Variants in CLCN3 observed in about 807,000 individuals in gnomAD.
CLCN3 encodes the protein H(+)/Cl(-) exchange transporter 3.
Under a neutral mutation model 83.4 loss-of-function variants are expected in CLCN3, and 16 were observed. The ratio of observed to expected loss-of-function variants is 0.19; its 90% CI spans 0.13 to 0.29. The LOEUF (loss-of-function observed/expected upper bound fraction) is 0.29, where lower values mean the gene tolerates loss of function less well. CLCN3 is among the 10% of genes least tolerant of loss of function. The pLI, the probability that CLCN3 is intolerant of heterozygous loss-of-function variation, is 1.00. For missense variants in CLCN3, 544 were observed against 1,006.0 expected, an observed-to-expected ratio of 0.54 and a Z score of 6.21; for synonymous variants, 322 against 346.2, an observed-to-expected ratio of 0.93 and a Z score of 0.78.
At chr4:169,654,892 G>A (rs1392416756) in intron 2 of CLCN3, among the ~76,000 whole-genome samples, 1 of 151,970 alleles carries the variant, frequency 6.6e-6, no homozygotes, top group Non-Finnish European at 1.5e-5. Flanking sequence ...AAAATACTCT[G>A]TTTCTTTACT....
At chr4:169,632,049 CCTT>C (rs1222788980) in intron 1 of CLCN3, among the ~76,000 whole-genome samples, 2 of 152,300 alleles carry the variant, frequency 1.3e-5, no homozygotes, top group Admixed American at 6.5e-5. Context: ...AGGGGCTCCT[CCTT>C]AACTCATTCC....
intron 2 of CLCN3, among the ~76,000 whole-genome samples, chr4:169,655,293 C>T (rs1168296816): frequency 1.3e-5 from 2 of 152,108 alleles, no homozygotes; most frequent in African/African-American, 2.4e-5. Flanking sequence ...TAGTTTGGTT[C>T]CACTTAAGGT....
At chr4:169,659,406 CTT>C (rs1306342998) in intron 2 of CLCN3, among the ~76,000 whole-genome samples, 1 of 152,144 alleles carries the variant, frequency 6.6e-6, no homozygotes, top group Non-Finnish European at 1.5e-5. Flanking sequence ...GAGTACCTCA[CTT>C]TGAGACACAT....
chr4:169,684,046 A>G (rs180767778), intron 3 of CLCN3, among the ~76,000 whole-genome samples: 2 of 152,336 alleles, frequency 1.3e-5, no homozygotes, highest in East Asian at 3.9e-4. Context: ...CCCGGCCTAC[A>G]TTAAATTTTA....
At chr4:169,643,725 G>C (rs1395189976) in intron 2 of CLCN3, among the ~76,000 whole-genome samples, 1 of 151,948 alleles carries the variant, frequency 6.6e-6, no homozygotes, top group Non-Finnish European at 1.5e-5. Context: ...GTAGAGATGG[G>C]GTATCTCACT....
intron 11 of CLCN3, 68 bp from the exon 12 acceptor site, chr4:169,713,011 G>A (rs1217049609): frequency 1.7e-6 from 2 of 1,145,262 alleles, no homozygotes; most frequent in Non-Finnish European, 2.6e-6. Flanking sequence ...TTTTATCTCT[G>A]AATAAACAGG....
At chr4:169,636,984 A>G (rs1395471266) in intron 2 of CLCN3, among the ~76,000 whole-genome samples, 2 of 151,928 alleles carry the variant, frequency 1.3e-5, no homozygotes, top group African/African-American at 2.4e-5. Context: ...GTACATTTCT[A>G]CTAGCAATGT....
At chr4:169,626,424 A>G (rs1397357121) in intron 1 of CLCN3, among the ~76,000 whole-genome samples, 1 of 152,246 alleles carries the variant, frequency 6.6e-6, no homozygotes, top group Non-Finnish European at 1.5e-5. Context: ...CAAAAAGAGT[A>G]TGACCTAACA....
chr4:169,631,286 T>TTTTG (rs200459163), intron 1 of CLCN3, among the ~76,000 whole-genome samples: 2 of 152,122 alleles, frequency 1.3e-5, no homozygotes, highest in African/African-American at 4.8e-5. Flanking sequence ...TGCCTACTTT[T>TTTTG]TTTGTTTGTT....
intron 10 of CLCN3, among the ~76,000 whole-genome samples, chr4:169,705,563 G>C (rs991985932): frequency 2.0e-5 from 3 of 152,166 alleles, no homozygotes; most frequent in Admixed American, 6.5e-5. Context: ...ATGCAAAACT[G>C]TTATAATAGT....
intron 10 of CLCN3, among the ~76,000 whole-genome samples, chr4:169,705,018 ACT>A (rs965684368): frequency 3.3e-4 from 51 of 152,322 alleles, no homozygotes; most frequent in African/African-American, 1.1e-3. Flanking sequence ...CCCAATCTCG[ACT>A]CTAATCAAGT....
intron 1 of CLCN3, among the ~76,000 whole-genome samples, chr4:169,621,362 T>C (rs1179797510): frequency 6.6e-6 from 1 of 152,214 alleles, no homozygotes; most frequent in East Asian, 1.9e-4. Context: ...CGCTAAATTT[T>C]CCCCAATTTA....
At chr4:169,701,808 A>G (rs1271084490) in intron 9 of CLCN3, among the ~76,000 whole-genome samples, 1 of 152,158 alleles carries the variant, frequency 6.6e-6, no homozygotes, top group Non-Finnish European at 1.5e-5. Flanking sequence ...CCTTGGACTT[A>G]GGGTTTTATA....
chr4:169,687,256 C>T (rs572593695), intron 3 of CLCN3, among the ~76,000 whole-genome samples: 1 of 152,014 alleles, frequency 6.6e-6, no homozygotes, highest in East Asian at 1.9e-4. Flanking sequence ...TTTGTGGACC[C>T]TTTGCACTCA....
chr4:169,676,611 G>T (rs1207619197), intron 2 of CLCN3, among the ~76,000 whole-genome samples: 1 of 149,356 alleles, frequency 6.7e-6, no homozygotes, highest in Non-Finnish European at 1.5e-5. Context: ...TTAGCCTACT[G>T]AGTAGCTGGG....
At chr4:169,701,327 T>C (rs1330797138) in intron 9 of CLCN3, among the ~76,000 whole-genome samples, 2 of 152,174 alleles carry the variant, frequency 1.3e-5, no homozygotes, top group African/African-American at 4.8e-5. Flanking sequence ...CGCTTATCAT[T>C]CTAGTTCTCT....
intron 10 of CLCN3, among the ~76,000 whole-genome samples, chr4:169,705,149 G>T (rs78757016): frequency 0.03 from 4,616 of 152,288 alleles, 99 homozygotes; most frequent in South Asian, 0.081. Context: ...AAGTACTTCA[G>T]GAAGAGTAGA....
chr4:169,655,982 C>T (rs1480813856), intron 2 of CLCN3, among the ~76,000 whole-genome samples: 1 of 151,724 alleles, frequency 6.6e-6, no homozygotes, highest in Non-Finnish European at 1.5e-5. Context: ...TAAGAATTTC[C>T]ACCTCTTCTT....
intron 2 of CLCN3, among the ~76,000 whole-genome samples, chr4:169,667,364 T>A (rs1731283396): frequency 6.6e-6 from 1 of 152,210 alleles, no homozygotes; most frequent in Admixed American, 6.5e-5. Context: ...TAAGTAATTT[T>A]CCTACAGGTA....
Sources: gnomAD v4.1 joint callset for allele counts (sites outside exome capture counted in the v4.1 genomes callset) on GRCh38, gnomAD v4.1.1 for gene constraint, MANE v1.5 for transcripts, NCBI Gene and HGNC (gene_info 2026-07-23, HGNC 2026-07-21) for gene names.